MAP2: variants seen among roughly 807,000 people sequenced by gnomAD.
MAP2 encodes microtubule-associated protein 2.
MAP2 carries 14 observed loss-of-function variants against 137.6 expected under a neutral mutation model. That is an observed-to-expected ratio of 0.10 (90% CI 0.07 to 0.16). The LOEUF (loss-of-function observed/expected upper bound fraction) is 0.16, where lower values mean the gene tolerates loss of function less well. Among genes scored for constraint, MAP2 ranks in the 10% least tolerant of loss-of-function variants. MAP2 has a pLI of 1.00. For synonymous variants in MAP2, 786 were observed against 782.3 expected (o/e 1.00, Z -0.08); for missense variants, 2,088 against 2,191.5 (o/e 0.95, Z 0.94).
chr2:209,541,230 A>G (rs574778326), intron 2 of MAP2, among the ~76,000 whole-genome samples: 2 of 151,198 alleles, frequency 1.3e-5, no homozygotes, highest in East Asian at 3.9e-4. Flanking sequence ...GGGTTTCACC[A>G]TGTTGGACAG....
At position 209,732,207 on chromosome 2, in the gene MAP2, T is replaced by C. The variant is rs2075861134; in HGVS notation, c.*1810T>C. 1 of 152,214 alleles carries C rather than the reference T, an allele frequency of 6.6e-6. No homozygotes were observed. Among genetic ancestry groups the C allele is most frequent in the Non-Finnish European group, 1.5e-5 (1 of 68,048 alleles). 9.4% of individuals were successfully genotyped at this position (152,214 alleles called of 1,614,324 possible). On this transcript the variant is annotated 3_prime_UTR_variant, in exon 16 of 16. Coordinates refer to ENST00000682079, the MANE Select transcript of MAP2 (RefSeq NM_001375505.1). ...AAAGGAGGAAATGATGAGGATGTAC[T>C]GAGGCAACGGGGAAGTATAGAAACA...
chr2:209,500,107 C>G (rs538475692), intron 1 of MAP2, among the ~76,000 whole-genome samples: 1 of 152,270 alleles, frequency 6.6e-6, no homozygotes, highest in East Asian at 1.9e-4. Flanking sequence ...GAAGGAGCCA[C>G]TTTTTTGAAC....
chr2:209,543,928 T>G (rs1034649791), intron 2 of MAP2, among the ~76,000 whole-genome samples: 2 of 152,158 alleles, frequency 1.3e-5, no homozygotes, highest in Non-Finnish European at 2.9e-5. Flanking sequence ...TTGTATCTTT[T>G]TTTAAAAAGG....
chr2:209,665,874 T>C (rs1017967454), intron 5 of MAP2, among the ~76,000 whole-genome samples: 1 of 152,166 alleles, frequency 6.6e-6, no homozygotes, highest in Non-Finnish European at 1.5e-5. Flanking sequence ...CTTTGACATA[T>C]TTGAATGAAA....
intron 3 of MAP2, among the ~76,000 whole-genome samples, chr2:209,604,201 A>G (rs1356761709): frequency 6.6e-6 from 1 of 152,170 alleles, no homozygotes; most frequent in Non-Finnish European, 1.5e-5. Flanking sequence ...GTTTGCATTT[A>G]TTTAATCACA....
chr2:209,469,592 A>T (rs1160447370), intron 1 of MAP2, among the ~76,000 whole-genome samples: 2 of 151,916 alleles, frequency 1.3e-5, no homozygotes, highest in Non-Finnish European at 2.9e-5. Flanking sequence ...TCCATCCTTT[A>T]TCCTTTCTTA....
intron 1 of MAP2, among the ~76,000 whole-genome samples, chr2:209,495,109 C>G (rs187060113): frequency 6.6e-6 from 1 of 152,250 alleles, no homozygotes; most frequent in South Asian, 2.1e-4. Context: ...GTGCCGTAAG[C>G]TGCTGTAGCC....
intron 2 of MAP2, among the ~76,000 whole-genome samples, chr2:209,541,651 A>G (rs573172314): frequency 6.2e-4 from 95 of 152,296 alleles, no homozygotes; most frequent in Middle Eastern, 3.4e-3. Flanking sequence ...TTATCTTGAC[A>G]ATGTTCATAG....
chr2:209,648,618 A>C (rs1386851641), intron 4 of MAP2, among the ~76,000 whole-genome samples: 1 of 140,904 alleles, frequency 7.1e-6, no homozygotes, highest in Non-Finnish European at 1.5e-5. Flanking sequence ...TCTACTAAAA[A>C]TACAAAAAAA....
intron 3 of MAP2, among the ~76,000 whole-genome samples, chr2:209,595,372 A>T (rs556541542): frequency 3.9e-5 from 6 of 152,278 alleles, no homozygotes; most frequent in Admixed American, 3.3e-4. Flanking sequence ...CTGCTTTCTC[A>T]GTGAGATTAA....
At position 209,435,997 on chromosome 2, in the gene MAP2, C is replaced by CAG. The variant is rs1559159499; in HGVS notation, c.-222+11721_-222+11722insAG. ...TAATATATACAGTATATATTATATA[C>CAG]TATATATACAGTATATATTATATAT... On this transcript the variant is annotated intron_variant, in intron 1 of 15. Coordinates refer to ENST00000682079, the MANE Select transcript of MAP2 (RefSeq NM_001375505.1). Among the ~76,000 whole-genome samples, 12 of 78,392 alleles carry CAG rather than the reference C, an allele frequency of 1.5e-4. 3 individuals carry two copies. The highest frequency in any genetic ancestry group is 3.8e-4 in the East Asian group (1 of 2,638). 51.4% of individuals were successfully genotyped at this position (78,392 alleles called of 152,430 possible).
chr2:209,622,038 T>C (rs1182124627), intron 3 of MAP2, among the ~76,000 whole-genome samples: 1 of 152,196 alleles, frequency 6.6e-6, no homozygotes, highest in Non-Finnish European at 1.5e-5. Flanking sequence ...AACTCTTAAA[T>C]ATAATTGTTA....
At chr2:209,606,768 C>T (rs769744400) in intron 3 of MAP2, among the ~76,000 whole-genome samples, 2 of 151,834 alleles carry the variant, frequency 1.3e-5, no homozygotes, top group African/African-American at 4.8e-5. Flanking sequence ...ATATATGAGC[C>T]CTGCTTGGAG....
At chr2:209,528,742 A>G (rs1302568218) in intron 2 of MAP2, among the ~76,000 whole-genome samples, 1 of 145,858 alleles carries the variant, frequency 6.9e-6, no homozygotes, top group Non-Finnish European at 1.5e-5. Flanking sequence ...ATATACATGT[A>G]TATATGTACA....
intron 1 of MAP2, among the ~76,000 whole-genome samples, chr2:209,502,421 C>A (rs935038558): frequency 2.0e-5 from 3 of 152,158 alleles, no homozygotes; most frequent in Non-Finnish European, 4.4e-5. Flanking sequence ...ATGGCAGGAT[C>A]TCCCTTTTAA....
intron 13 of MAP2, chr2:209,710,529 A>G (rs2065081685): frequency 8.7e-6 from 3 of 343,690 alleles, no homozygotes; most frequent in South Asian, 1.0e-4. Flanking sequence ...ATGTATCTCT[A>G]TTGCTTTGTG....
At chr2:209,726,931 G>GT (rs1265208548) in intron 14 of MAP2, among the ~76,000 whole-genome samples, 1 of 152,192 alleles carries the variant, frequency 6.6e-6, no homozygotes, top group African/African-American at 2.4e-5. Flanking sequence ...AAAGTAATAG[G>GT]TTTTTTTCCA....
chr2:209,527,806 A>C (rs1255705404), intron 2 of MAP2, among the ~76,000 whole-genome samples: 1 of 152,180 alleles, frequency 6.6e-6, no homozygotes, highest in Non-Finnish European at 1.5e-5. Context: ...TGAATCAGAA[A>C]TGTGTGGCTG....
chr2:209,667,909 C>CAA lies in MAP2; in HGVS notation c.263-10662_263-10661dup, dbSNP rs974848113. On this transcript the variant is annotated intron_variant, in intron 5 of 15. Coordinates refer to ENST00000682079, the MANE Select transcript of MAP2 (RefSeq NM_001375505.1). ...CCCAATCCCTTCTCTTCATTTTCTTCAAGTCAGCAGTCATATGCTCATATG... is the reference window on the plus strand; with the variant it reads ...CCCAATCCCTTCTCTTCATTTTCTTCAAAAGTCAGCAGTCATATGCTCATATG... Among the ~76,000 whole-genome samples the CAA allele has an allele frequency of 1.2e-4, 18 of 152,130 alleles. 1 individual carries two copies. The East Asian group carries it at 1.5e-3, about 13-fold the overall frequency.
Sources: gnomAD v4.1 joint callset for allele counts (sites outside exome capture counted in the v4.1 genomes callset) on GRCh38, gnomAD v4.1.1 for gene constraint, MANE v1.5 for transcripts, NCBI Gene and HGNC (gene_info 2026-07-23, HGNC 2026-07-21) for gene names.